Variants in ROBO1 observed in about 807,000 individuals in gnomAD.
ROBO1 encodes roundabout homolog 1.
Under a neutral mutation model 195.9 loss-of-function variants are expected in ROBO1, and 149 were observed. The ratio of observed to expected loss-of-function variants is 0.76; its 90% CI spans 0.67 to 0.87. ROBO1 has a LOEUF of 0.87. ROBO1 is among the 40% of genes least tolerant of loss of function. The pLI, the probability that ROBO1 is intolerant of heterozygous loss-of-function variation, is 0.00. For synonymous variants in ROBO1, 816 were observed against 733.2 expected (o/e 1.11, Z -1.82); for missense variants, 1,933 against 2,068.3 (o/e 0.93, Z 1.27).
chr3:79,749,041 G>A (rs573885785), intron 1 of ROBO1, among the ~76,000 whole-genome samples: 78 of 152,326 alleles, frequency 5.1e-4, no homozygotes, highest in Middle Eastern at 3.4e-3. Flanking sequence ...ACAGGAAAAT[G>A]TGAGAAAGTT....
At chr3:79,195,974 ATTAAT>A (rs1398893200) in intron 2 of ROBO1, among the ~76,000 whole-genome samples, 2 of 151,630 alleles carry the variant, frequency 1.3e-5, no homozygotes, top group East Asian at 3.9e-4. Flanking sequence ...TAACAGACAC[ATTAAT>A]TTAATTATTT....
intron 2 of ROBO1, among the ~76,000 whole-genome samples, chr3:79,231,385 G>A (rs1304766299): frequency 3.3e-5 from 5 of 151,590 alleles, no homozygotes; most frequent in South Asian, 2.1e-4. Context: ...AACCAACTAC[G>A]TTAAAAAGAA....
At chr3:79,620,876 C>A (rs1296633030) in intron 1 of ROBO1, among the ~76,000 whole-genome samples, 1 of 152,204 alleles carries the variant, frequency 6.6e-6, no homozygotes, top group African/African-American at 2.4e-5. Context: ...TTAAAGCCTA[C>A]AAATTCTCCT....
intron 2 of ROBO1, among the ~76,000 whole-genome samples, chr3:79,242,093 T>A (rs79786810): frequency 6.6e-6 from 1 of 151,960 alleles, no homozygotes. Flanking sequence ...CTGACCCTTT[T>A]TGCTCCCTTT....
chr3:79,571,884 A>G (rs1943289876), intron 2 of ROBO1, among the ~76,000 whole-genome samples: 2 of 152,048 alleles, frequency 1.3e-5, no homozygotes, highest in Non-Finnish European at 2.9e-5. Context: ...CCTAAATTTA[A>G]TGTTCTCTTC....
intron 3 of ROBO1, among the ~76,000 whole-genome samples, chr3:79,065,407 A>T (rs1052148997): frequency 6.6e-6 from 1 of 151,936 alleles, no homozygotes; most frequent in African/African-American, 2.4e-5. Flanking sequence ...AAAATGACCG[A>T]TCTGTGAGCA....
At chr3:78,990,283 T>C (rs1399713217) in intron 3 of ROBO1, among the ~76,000 whole-genome samples, 1 of 152,230 alleles carries the variant, frequency 6.6e-6, no homozygotes, top group Non-Finnish European at 1.5e-5. Context: ...TTTTGGCTAA[T>C]ATTCCACGAT....
At chr3:79,154,450 C>A (rs895139602) in intron 2 of ROBO1, among the ~76,000 whole-genome samples, 1 of 151,676 alleles carries the variant, frequency 6.6e-6, no homozygotes, top group Non-Finnish European at 1.5e-5. Flanking sequence ...TTCTGTATTG[C>A]ATTTCATATG....
chr3:78,667,961 A>C lies in ROBO1; in HGVS notation c.1888T>G (p.Tyr630Asp). ...TTAGCTGCCCTCACAAGGAAAAGGT[A>C]AATTGCATTAGGTTTGAGTCCTTTA... ...AIKGLKPNAIYLFLVRAANAY... is the reference protein window; with the variant it reads ...AIKGLKPNAIDLFLVRAANAY... Residue 630 changes from tyrosine (Y) to aspartate (D), a missense_variant, in exon 14 of 31, where the codon TAC becomes GAC. Tyr to Asp is a radical substitution (Grantham distance 160, BLOSUM62 -3). Coordinates refer to ENST00000464233, the MANE Select transcript of ROBO1 (RefSeq NM_002941.4). The C allele has an allele frequency of 6.2e-7, 1 of 1,613,812 alleles. No homozygotes were observed. Among genetic ancestry groups the C allele is most frequent in the Non-Finnish European group, 8.5e-7 (1 of 1,179,794 alleles).
intron 2 of ROBO1, among the ~76,000 whole-genome samples, chr3:79,395,321 CAAAA>C (rs71631647): frequency 1.8e-4 from 9 of 50,164 alleles, no homozygotes; most frequent in South Asian, 8.8e-4. Context: ...GACTCCGTCT[CAAAA>C]AAAAAAAAAA....
At chr3:79,079,518 T>C (rs1313473533) in intron 3 of ROBO1, among the ~76,000 whole-genome samples, 1 of 151,846 alleles carries the variant, frequency 6.6e-6, no homozygotes, top group Non-Finnish European at 1.5e-5. Context: ...ATTGAACAAG[T>C]ACTGGTTCTG....
chr3:79,643,645 G>C lies in ROBO1; in HGVS notation c.-50-53684C>G, dbSNP rs575514228. On this transcript the variant is annotated intron_variant, in intron 1 of 30. Coordinates refer to ENST00000464233, the MANE Select transcript of ROBO1 (RefSeq NM_002941.4). ...TTTTCTTTGTGATCTAAGTTAAGTTGTCAACTTTTTAATATAACTTGTTAT... is the reference window on the plus strand; with the variant it reads ...TTTTCTTTGTGATCTAAGTTAAGTTCTCAACTTTTTAATATAACTTGTTAT... 2.0e-5 allele frequency among the ~76,000 whole-genome samples: 3 copies of C among 151,658 alleles called. No homozygotes were observed. In the East Asian group the frequency reaches 5.8e-4, roughly 29 times the overall value.
chr3:79,331,137 T>C (rs1287856552), intron 2 of ROBO1, among the ~76,000 whole-genome samples: 1 of 152,232 alleles, frequency 6.6e-6, no homozygotes, highest in Non-Finnish European at 1.5e-5. Flanking sequence ...ATTTTCAAAG[T>C]GTTATGCTTG....
chr3:79,568,656 T>G (rs1943171266), intron 2 of ROBO1, among the ~76,000 whole-genome samples: 1 of 152,054 alleles, frequency 6.6e-6, no homozygotes, highest in Non-Finnish European at 1.5e-5. Flanking sequence ...TCCTTTGTTC[T>G]TGGTGGGGTG....
At chr3:79,604,357 G>A (rs1012971606) in intron 1 of ROBO1, among the ~76,000 whole-genome samples, 5 of 151,938 alleles carry the variant, frequency 3.3e-5, no homozygotes, top group Non-Finnish European at 7.4e-5. Context: ...CATACTAAAC[G>A]GAAGCATTTG....
At chr3:79,597,754 A>G (rs1432999818) in intron 1 of ROBO1, among the ~76,000 whole-genome samples, 2 of 152,118 alleles carry the variant, frequency 1.3e-5, no homozygotes, top group Non-Finnish European at 2.9e-5. Flanking sequence ...AGACTGTTGG[A>G]AAATAAGTTT....
At chr3:79,107,858 T>C (rs1354173633) in intron 3 of ROBO1, among the ~76,000 whole-genome samples, 1 of 151,684 alleles carries the variant, frequency 6.6e-6, no homozygotes, top group Non-Finnish European at 1.5e-5. Context: ...AGAGTTAAGA[T>C]AATATTAATA....
At chr3:79,635,495 G>T (rs1450252401) in intron 1 of ROBO1, among the ~76,000 whole-genome samples, 1 of 152,036 alleles carries the variant, frequency 6.6e-6, no homozygotes, top group Admixed American at 6.6e-5. Context: ...AACTATGTAT[G>T]GAATAACTAT....
intron 8 of ROBO1, among the ~76,000 whole-genome samples, chr3:78,695,249 C>A (rs1410067181): frequency 1.3e-5 from 2 of 151,982 alleles, no homozygotes; most frequent in East Asian, 3.9e-4. Context: ...ACACAAGTAC[C>A]CTATAACTTA....
Sources: allele counts gnomAD v4.1 joint callset (sites outside exome capture counted in the v4.1 genomes callset), GRCh38; gene constraint gnomAD v4.1.1; transcripts MANE v1.5; gene names NCBI Gene and HGNC (gene_info 2026-07-23, HGNC 2026-07-21).